USP7: variants seen among roughly 807,000 people sequenced by gnomAD.
USP7 encodes the protein ubiquitin specific peptidase 7.
USP7 carries 9 observed loss-of-function variants against 162.9 expected under a neutral mutation model. The observed-to-expected ratio is 0.06, with a 90% CI of 0.03 to 0.10. The LOEUF (loss-of-function observed/expected upper bound fraction) is 0.10. USP7 is among the 10% of genes least tolerant of loss of function. USP7 has a pLI of 1.00. For synonymous variants in USP7, 562 were observed against 475.9 expected, an observed-to-expected ratio of 1.18 and a Z score of -2.35; for missense variants, 715 against 1,373.7, an observed-to-expected ratio of 0.52 and a Z score of 7.58.
intron 1 of USP7, among the ~76,000 whole-genome samples, chr16:8,959,842 G>C (rs1018617777): frequency 6.6e-6 from 1 of 152,162 alleles, no homozygotes; most frequent in Non-Finnish European, 1.5e-5. Context: ...CAGAAGCCTA[G>C]ATCAGAAGCT....
chr16:8,893,520 G>GT lies in USP7; in HGVS notation c.*477dup, dbSNP rs2061634589. The GT allele has an allele frequency of 6.3e-6, 1 of 158,036 alleles. No individual in the cohort carries two copies. The highest frequency in any genetic ancestry group is 1.8e-4 in the South Asian group (1 of 5,496). 9.8% of individuals were successfully genotyped at this position (158,036 alleles called of 1,614,324 possible). A position where few individuals can be genotyped will look rare whatever the true frequency, so the allele number is the denominator to read the frequency against. ...AGGGAAGAGCGCTATTTATTAGGTT[G>GT]TGAGTTTCTCTGTTTTGCCTTAACA... is the stretch of plus-strand genomic sequence containing the variant. On this transcript the variant is annotated 3_prime_UTR_variant, in exon 31 of 31. Transcript: ENST00000344836.
chr16:8,925,038 G>A (rs149707450), intron 2 of USP7, among the ~76,000 whole-genome samples: 14 of 152,322 alleles, frequency 9.2e-5, no homozygotes, highest in Non-Finnish European at 1.5e-4. Flanking sequence ...CTAGAATGGC[G>A]TGGTGGAATA....
At chr16:8,897,386 G>A in intron 25 of USP7, 1 of 371,818 alleles carries the variant, frequency 2.7e-6, no homozygotes, top group Non-Finnish European at 4.9e-6. Flanking sequence ...GGTCCCGAGG[G>A]GTCACCCAGG....
At chr16:8,916,899 G>C (rs772476369) in intron 7 of USP7, 127 bp downstream of exon 7, 33 of 1,099,516 alleles carry the variant, frequency 3.0e-5, no homozygotes, top group Non-Finnish European at 3.6e-5. Context: ...ACGATTAAAT[G>C]CTCAAGCCTC....
At chr16:8,909,410 T>C (rs1008309943) in intron 11 of USP7, among the ~76,000 whole-genome samples, 4 of 152,140 alleles carry the variant, frequency 2.6e-5, no homozygotes, top group Admixed American at 1.3e-4. Context: ...GACAGAGCTA[T>C]CTCAGGAAAG....
intron 1 of USP7, among the ~76,000 whole-genome samples, chr16:8,950,980 G>C (rs1899520453): frequency 6.6e-6 from 1 of 152,190 alleles, no homozygotes; most frequent in Non-Finnish European, 1.5e-5. Flanking sequence ...TCTGTGCACA[G>C]ACTGAAAAAA....
intron 1 of USP7, among the ~76,000 whole-genome samples, chr16:8,953,404 A>G (rs1336222425): frequency 2.4e-4 from 36 of 151,970 alleles, no homozygotes; most frequent in Admixed American, 2.4e-3. Context: ...TGGACACTAC[A>G]GGACACCAAG....
intron 12 of USP7, 81 bp downstream of exon 12, chr16:8,908,258 TAA>T: frequency 1.8e-6 from 2 of 1,134,222 alleles, no homozygotes; most frequent in Non-Finnish European, 2.6e-6. Context: ...ACTGAAAATA[TAA>T]AGACTGAGGA....
Position 8,923,419 on chromosome 16 carries a change from A to G in USP7, c.185-6T>C, listed in dbSNP as rs1897810833. 1 of 1,613,958 alleles carries G rather than the reference A, an allele frequency of 6.2e-7. No individual in the cohort carries two copies. The highest frequency in any genetic ancestry group is 8.5e-7 in the Non-Finnish European group (1 of 1,179,884). ...CTCGGAGCGCCAACTGGTGTCTGCA[A>G]AAAAAACACATCATCAGTCACAGAG... On this transcript the variant is annotated splice_region_variant and splice_polypyrimidine_tract_variant and intron_variant, in intron 2 of 30. Transcript: ENST00000344836.
intron 8 of USP7, 96 bp downstream of exon 8, chr16:8,916,406 T>G: frequency 1.6e-6 from 1 of 622,232 alleles, no homozygotes; most frequent in African/African-American, 2.7e-5. Context: ...GATGGGCATT[T>G]TCTGAATTAG....
chr16:8,963,063 C>T, intron 1 of USP7, 144 bp downstream of exon 1: 2 of 483,126 alleles, frequency 4.1e-6, no homozygotes, highest in Non-Finnish European at 5.5e-6. Flanking sequence ...GCCTCGCAGG[C>T]CGGGGCCGGG....
At chr16:8,896,427 G>T (rs943559251) in intron 26 of USP7, among the ~76,000 whole-genome samples, 1 of 152,108 alleles carries the variant, frequency 6.6e-6, no homozygotes, top group Non-Finnish European at 1.5e-5. Context: ...TAAAACTAAA[G>T]AAAGTTTGGG....
intron 1 of USP7, among the ~76,000 whole-genome samples, chr16:8,933,683 C>A (rs914217293): frequency 2.6e-5 from 4 of 151,942 alleles, no homozygotes; most frequent in Admixed American, 6.6e-5. Flanking sequence ...GAACTGGACT[C>A]AAGCAATCCA....
intron 1 of USP7, among the ~76,000 whole-genome samples, chr16:8,935,237 G>A (rs1040044026): frequency 1.5e-5 from 2 of 132,694 alleles, no homozygotes; most frequent in East Asian, 2.2e-4. Context: ...GTCTCGTTCT[G>A]TCTCCCAGGC....
Position 8,893,996 on chromosome 16 carries a change from A to T in USP7, c.*2T>A. 1 of 1,614,000 alleles carries T rather than the reference A, an allele frequency of 6.2e-7. No individual in the cohort carries two copies. The highest frequency in any genetic ancestry group is 8.5e-7 in the Non-Finnish European group (1 of 1,179,866). ...CTCGCCTTGAACACACCAGCTTGGA[A>T]ATCAGTTATGGATTTTAATGGCCTT... On this transcript the variant is annotated 3_prime_UTR_variant, in exon 31 of 31. Coordinates refer to ENST00000344836, the MANE Select transcript of USP7 (RefSeq NM_003470.3).
chr16:8,940,493 G>C (rs1016378569), intron 1 of USP7, among the ~76,000 whole-genome samples: 1 of 152,194 alleles, frequency 6.6e-6, no homozygotes, highest in Non-Finnish European at 1.5e-5. Context: ...AGAGTGGGAG[G>C]GCAGGGGTTA....
intron 9 of USP7, 27 bp downstream of exon 9, chr16:8,915,412 AAAAATC>A: frequency 1.2e-6 from 2 of 1,612,520 alleles, no homozygotes; most frequent in Non-Finnish European, 1.7e-6. Context: ...TAAAACCTTT[AAAAATC>A]ATCTTTTAGA....
chr16:8,901,266 T>C (rs1596355069), intron 18 of USP7, 32 bp from the exon 19 acceptor site: 1 of 1,482,382 alleles, frequency 6.7e-7, no homozygotes, highest in East Asian at 2.3e-5. Flanking sequence ...TTTGTTAAGA[T>C]CCAAACACTC....
At chr16:8,910,104 T>G (rs1212160734) in intron 11 of USP7, among the ~76,000 whole-genome samples, 1 of 152,124 alleles carries the variant, frequency 6.6e-6, no homozygotes, top group East Asian at 1.9e-4. Context: ...AATTATAAAT[T>G]AGTTGAGTCA....
Sources: gnomAD v4.1 joint callset for allele counts (sites outside exome capture counted in the v4.1 genomes callset) on GRCh38, gnomAD v4.1.1 for gene constraint, MANE v1.5 for transcripts, NCBI Gene and HGNC (gene_info 2026-07-23, HGNC 2026-07-21) for gene names.